Variants in FRMPD1 observed in about 807,000 individuals in gnomAD.
FRMPD1 encodes FERM and PDZ domain containing 1, also known as FERM and PDZ domain-containing protein 1.
A neutral mutation model predicts 117.8 loss-of-function variants in FRMPD1; 76 were observed. The ratio of observed to expected loss-of-function variants is 0.65; its 90% CI spans 0.54 to 0.78. FRMPD1 has a LOEUF of 0.78. Ranked by LOEUF, FRMPD1 falls within the 30% of genes least tolerant of loss-of-function variation. The probability of loss-of-function intolerance (pLI) is 0.00; values close to 1 mark genes in which losing one functional copy is unlikely to be tolerated. For synonymous variants in FRMPD1, 783 were observed against 770.4 expected (o/e 1.02, Z -0.27); for missense variants, 1,786 against 1,964.5 (o/e 0.91, Z 1.72).
chr9:37,610,779 T>C, the FRMPD1 span, among the ~76,000 whole-genome samples: 1 of 152,026 alleles, frequency 6.6e-6, no homozygotes, highest in African/African-American at 2.4e-5. Context: ...GTTTTTTTTC[T>C]TTTAGCAGAG....
chr9:37,731,065 AAAG>A lies in FRMPD1; in HGVS notation c.825_827del (p.Glu275del). ...TCCCAAGGACCCCCTGGACCTCCTGAAAGAAGACCCCGTGGCCTTTGAATACCT... is the reference window on the plus strand; with the variant it reads ...TCCCAAGGACCCCCTGGACCTCCTGAAAGACCCCGTGGCCTTTGAATACCT... On this transcript the variant is annotated inframe_deletion, in exon 9 of 16. Transcript: ENST00000377765. 6.2e-7 allele frequency: 1 copy of A among 1,613,764 alleles called. No individual in the cohort carries two copies. Among genetic ancestry groups the A allele is most frequent in the Non-Finnish European group, 8.5e-7 (1 of 1,179,676 alleles).
chr9:37,693,707 C>T (rs544939421), intron 2 of FRMPD1, among the ~76,000 whole-genome samples: 6 of 152,336 alleles, frequency 3.9e-5, no homozygotes, highest in African/African-American at 1.4e-4. Context: ...AGCTATTTGT[C>T]TTACTACTCT....
intron 6 of FRMPD1, among the ~76,000 whole-genome samples, chr9:37,722,306 C>CAA (rs541735450): frequency 6.6e-5 from 8 of 122,108 alleles, no homozygotes; most frequent in Admixed American, 1.7e-4. Flanking sequence ...GAGACTCTGT[C>CAA]AAAAAAAAAA....
chr9:37,705,189 A>C (rs766729548), intron 2 of FRMPD1, among the ~76,000 whole-genome samples: 1 of 151,934 alleles, frequency 6.6e-6, no homozygotes, highest in African/African-American at 2.4e-5. Flanking sequence ...TTTCTGTGTG[A>C]ATGTCATCTG....
Position 37,732,323 on chromosome 9 carries a change from A to G in FRMPD1, c.878A>G (p.Gln293Arg), listed in dbSNP as rs745840671. The G allele has an allele frequency of 6.2e-7, 1 of 1,613,766 alleles. No individual in the cohort carries two copies. Among genetic ancestry groups the G allele is most frequent in the Non-Finnish European group, 8.5e-7 (1 of 1,180,010 alleles). ...TTCTAGAGCTGCAGCGATGTGCTCC[A>G]GGAGCGCTTTGCTGTAGAAATGAAA... Reference protein sequence around the residue: ...LYLQSCSDVLQERFAVEMKCS... With the variant: ...LYLQSCSDVLRERFAVEMKCS... The change falls in exon 10 of 16, where the codon CAG (glutamine) becomes CGG (arginine). Residue 293 changes from glutamine to arginine, a missense_variant. Gln to Arg is a conservative substitution (Grantham distance 43). Coordinates refer to ENST00000377765, the MANE Select transcript of FRMPD1 (RefSeq NM_014907.3).
At chr9:37,642,578 A>G in the FRMPD1 span, among the ~76,000 whole-genome samples, 35 of 152,172 alleles carry the variant, frequency 2.3e-4, no homozygotes, top group African/African-American at 8.0e-4. Flanking sequence ...GTGCCTAACA[A>G]ATATTAGGTC....
chr9:37,682,280 C>A (rs1821755604), intron 1 of FRMPD1, among the ~76,000 whole-genome samples: 1 of 152,194 alleles, frequency 6.6e-6, no homozygotes, highest in Non-Finnish European at 1.5e-5. Context: ...GTGGGGTTGT[C>A]ATGAGGAGTG....
intron 6 of FRMPD1, among the ~76,000 whole-genome samples, chr9:37,721,553 C>T (rs896595010): frequency 1.3e-5 from 2 of 152,142 alleles, no homozygotes; most frequent in African/African-American, 4.8e-5. Flanking sequence ...TCATGCACTA[C>T]TGATGGCTTT....
At chr9:37,647,370 G>A (rs2119339211), upstream of FRMPD1, among the ~76,000 whole-genome samples, 1 of 151,976 alleles carries the variant, frequency 6.6e-6, no homozygotes, top group Non-Finnish European at 1.5e-5. Context: ...AAATTAACCG[G>A]GCGGGGTGGC....
At position 37,672,659 on chromosome 9, in the gene FRMPD1, G is replaced by A. The variant is rs553803642; in HGVS notation, c.-4-19979G>A. On this transcript the variant is annotated intron_variant, in intron 1 of 15. Coordinates refer to ENST00000377765, the MANE Select transcript of FRMPD1 (RefSeq NM_014907.3). ...ATGGCTGAGATATGAGCCTGTATTA[G>A]TCTGTTTTCACCCTGCTGATAAAGA... 2.6e-4 allele frequency among the ~76,000 whole-genome samples: 39 copies of A among 152,228 alleles called. 1 individual carries two copies. Among genetic ancestry groups the A allele is most frequent in the African/African-American group, 9.4e-4 (39 of 41,520 alleles).
chr9:37,637,145 A>G, the FRMPD1 span: 35 of 1,609,546 alleles, frequency 2.2e-5, no homozygotes, highest in Middle Eastern at 1.7e-4. Context: ...ATCCAGCTCG[A>G]TGGTTTGGAT....
chr9:37,661,619 T>A (rs7032882), intron 1 of FRMPD1: 35,188 of 152,008 alleles, frequency 0.23, 4,202 homozygotes, highest in Middle Eastern at 0.28. Flanking sequence ...ATTCCTGACA[T>A]GTTTGTTTCT....
At chr9:37,722,764 T>C (rs10814608) in intron 6 of FRMPD1, among the ~76,000 whole-genome samples, 28,402 of 106,280 alleles carry the variant, frequency 0.27, 2,754 homozygotes, top group South Asian at 0.39. Flanking sequence ...ATCACTTCTT[T>C]TTTTTTTCTT....
At chr9:37,733,859 G>T in intron 12 of FRMPD1, 34 bp downstream of exon 12, 1 of 1,145,936 alleles carries the variant, frequency 8.7e-7, no homozygotes, top group Non-Finnish European at 1.3e-6. Context: ...TCCTACTCAC[G>T]TAAGGGACCT....
At chr9:37,689,930 T>TAA (rs1822074966) in intron 1 of FRMPD1, among the ~76,000 whole-genome samples, 6 of 152,318 alleles carry the variant, frequency 3.9e-5, no homozygotes, top group Admixed American at 2.6e-4. Flanking sequence ...CTCTGGAAGT[T>TAA]TAGAAGATAT....
At chr9:37,607,700 C>T in the FRMPD1 span, among the ~76,000 whole-genome samples, 1 of 152,270 alleles carries the variant, frequency 6.6e-6, no homozygotes, top group South Asian at 2.1e-4. Context: ...AGCATCAAGC[C>T]TGTCATAGAT....
At chr9:37,713,631 G>A (rs914268013) in intron 5 of FRMPD1, among the ~76,000 whole-genome samples, 6 of 151,964 alleles carry the variant, frequency 3.9e-5, no homozygotes, top group Non-Finnish European at 7.4e-5. Context: ...TATATATAGA[G>A]AGACCTATAT....
At chr9:37,615,541 G>A in the FRMPD1 span, among the ~76,000 whole-genome samples, 5,250 of 152,190 alleles carry the variant, frequency 0.034, 292 homozygotes, top group African/African-American at 0.12. Flanking sequence ...AGGTGACTTA[G>A]CAAATCTCTA....
At position 37,746,139 on chromosome 9, in the gene FRMPD1, G is replaced by A. The variant is rs771052690; in HGVS notation, c.4107G>A (p.Pro1369=). Residue 1369 remains proline (P), a synonymous_variant, in exon 16 of 16, where the codon CCG becomes CCA. Coordinates refer to ENST00000377765, the MANE Select transcript of FRMPD1 (RefSeq NM_014907.3). Reference sequence around the variant, plus strand: ...ACCCCATGGCCCCCCTCACCTCACCGCCCTCTGCGGGAAGCCCGGTGGTTC... The same window carrying A: ...ACCCCATGGCCCCCCTCACCTCACCACCCTCTGCGGGAAGCCCGGTGGTTC... ...EAHPMAPLTS[P]PSAGSPVVLP... 3.6e-5 allele frequency: 58 copies of A among 1,613,760 alleles called. No homozygotes were observed. The highest frequency in any genetic ancestry group is 3.7e-5 in the Non-Finnish European group (44 of 1,180,008).
Sources: gnomAD v4.1 joint callset for allele counts (sites outside exome capture counted in the v4.1 genomes callset) on GRCh38, gnomAD v4.1.1 for gene constraint, MANE v1.5 for transcripts, NCBI Gene and HGNC (gene_info 2026-07-23, HGNC 2026-07-21) for gene names.